Variants in RARB observed in about 807,000 individuals in gnomAD.
The protein encoded by RARB is retinoic acid receptor beta, also known as HBV-activated protein.
A neutral mutation model predicts 51.9 loss-of-function variants in RARB; 17 were observed. The observed-to-expected ratio is 0.33, with a 90% CI of 0.22 to 0.49. RARB has a LOEUF of 0.49. Ranked by LOEUF, RARB falls within the 20% of genes least tolerant of loss-of-function variation. The pLI, the probability that RARB is intolerant of heterozygous loss-of-function variation, is 0.99. For synonymous variants in RARB, 215 were observed against 195.4 expected (o/e 1.10, Z -0.84); for missense variants, 369 against 550.8 (o/e 0.67, Z 3.30).
At position 25,353,266 on chromosome 3, in the gene RARB, C is replaced by T. The variant is rs181042350; in HGVS notation, c.179-107927C>T. Among the ~76,000 whole-genome samples, 166 of 152,256 alleles carry T rather than the reference C, an allele frequency of 1.1e-3. 1 individual carries two copies. Among genetic ancestry groups the T allele is most frequent in the Non-Finnish European group, 2.0e-3 (139 of 67,998 alleles). Reference sequence around the variant, plus strand: ...AACCCAGCTCTGAATTCTCACAGTACTGTAGTGGCACTCGTGGACAGAACC... The same window carrying T: ...AACCCAGCTCTGAATTCTCACAGTATTGTAGTGGCACTCGTGGACAGAACC... On this transcript the variant is annotated intron_variant, in intron 5 of 11. Transcript: ENST00000383772.
intron 2 of RARB, among the ~76,000 whole-genome samples, chr3:24,871,840 C>T (rs1182951711): frequency 2.6e-5 from 4 of 152,148 alleles, no homozygotes; most frequent in African/African-American, 9.7e-5. Flanking sequence ...TTATTCTATA[C>T]TCCTTTTTCT....
intron 1 of RARB, among the ~76,000 whole-genome samples, chr3:24,850,035 T>C (rs538979306): frequency 1.3e-5 from 2 of 152,262 alleles, no homozygotes; most frequent in East Asian, 3.9e-4. Flanking sequence ...ACCAAGATGA[T>C]TGCATTTGCT....
chr3:25,510,861 A>G (rs1288666081), intron 3 of RARB, among the ~76,000 whole-genome samples: 1 of 152,194 alleles, frequency 6.6e-6, no homozygotes, highest in East Asian at 1.9e-4. Flanking sequence ...CTTAATTAAT[A>G]TTTCTTGAAT....
At chr3:25,153,256 C>T (rs1700321360) in intron 4 of RARB, among the ~76,000 whole-genome samples, 1 of 152,032 alleles carries the variant, frequency 6.6e-6, no homozygotes, top group Non-Finnish European at 1.5e-5. Flanking sequence ...CAGAGAGAGG[C>T]ACAAAGACAC....
At chr3:24,848,092 T>G (rs1702508382) in intron 1 of RARB, among the ~76,000 whole-genome samples, 1 of 152,196 alleles carries the variant, frequency 6.6e-6, no homozygotes, top group Non-Finnish European at 1.5e-5. Context: ...GACGGTCTTG[T>G]TCTGTGGCCC....
intron 1 of RARB, 78 bp downstream of exon 1, chr3:25,428,966 A>G: frequency 6.9e-7 from 1 of 1,452,668 alleles, no homozygotes; most frequent in Non-Finnish European, 9.3e-7. Context: ...CGTTGGAAAT[A>G]AACTGCATTG....
At chr3:25,226,609 G>C (rs1437029159) in intron 5 of RARB, among the ~76,000 whole-genome samples, 4 of 152,120 alleles carry the variant, frequency 2.6e-5, no homozygotes, top group East Asian at 1.9e-4. Flanking sequence ...TCTGCTGAGG[G>C]ACATGAATTT....
At chr3:25,244,025 T>A (rs1337654036) in intron 5 of RARB, among the ~76,000 whole-genome samples, 3 of 152,182 alleles carry the variant, frequency 2.0e-5, no homozygotes, top group African/African-American at 7.2e-5. Flanking sequence ...GACTTCTTCC[T>A]GGTTTAGTCT....
intron 5 of RARB, among the ~76,000 whole-genome samples, chr3:25,225,680 A>G (rs1702041224): frequency 6.6e-6 from 1 of 152,216 alleles, no homozygotes; most frequent in South Asian, 2.1e-4. Context: ...TACATGCAAT[A>G]TGACAACTGG....
chr3:25,292,779 A>T (rs1052372101), intron 5 of RARB, among the ~76,000 whole-genome samples: 1 of 152,260 alleles, frequency 6.6e-6, no homozygotes, highest in East Asian at 1.9e-4. Context: ...CAAAATGGGC[A>T]TGTTTAAACG....
At chr3:25,131,602 A>T (rs748231399) in intron 3 of RARB, among the ~76,000 whole-genome samples, 1 of 152,020 alleles carries the variant, frequency 6.6e-6, no homozygotes, top group African/African-American at 2.4e-5. Flanking sequence ...AAAAACATAT[A>T]TACATATATT....
chr3:25,492,518 C>T (rs1048643718), intron 2 of RARB, among the ~76,000 whole-genome samples: 1 of 152,108 alleles, frequency 6.6e-6, no homozygotes, highest in African/African-American at 2.4e-5. Flanking sequence ...GAACATGGGC[C>T]ACCTTTTTGT....
At chr3:25,062,772 A>C (rs1421096945) in intron 3 of RARB, among the ~76,000 whole-genome samples, 3 of 151,932 alleles carry the variant, frequency 2.0e-5, no homozygotes, top group African/African-American at 7.2e-5. Context: ...AGTAGAGGTG[A>C]GATGGGGAGT....
rs138693408 is a variant in RARB, at chr3:24,982,300, T to C, written c.-379-77825T>C. Reference sequence around the variant, plus strand: ...GCTACCTTGGCTTTCTCATGGTTGCTCCTTCCAGCCTAATCTTTATCCAAA... The same window carrying C: ...GCTACCTTGGCTTTCTCATGGTTGCCCCTTCCAGCCTAATCTTTATCCAAA... On this transcript the variant is annotated intron_variant, in intron 2 of 11. Coordinates refer to the RARB transcript ENST00000383772. Among the ~76,000 whole-genome samples, 310 of 152,338 alleles carry C rather than the reference T, an allele frequency of 2.0e-3. 6 individuals are homozygous for C. The highest frequency in any genetic ancestry group is 1.5e-3 in the East Asian group (8 of 5,182).
chr3:25,081,621 AT>A (rs1168828068), intron 3 of RARB, among the ~76,000 whole-genome samples: 7 of 5,790 alleles, frequency 1.2e-3, no homozygotes, highest in African/African-American at 1.8e-3. Context: ...ATATATATAT[AT>A]TTTTTTTTTT....
At chr3:25,278,417 C>G (rs868450722) in intron 5 of RARB, among the ~76,000 whole-genome samples, 162 of 152,310 alleles carry the variant, frequency 1.1e-3, no homozygotes, top group Non-Finnish European at 1.0e-3. Context: ...TAAATATTCT[C>G]TAGCCACTTT....
At chr3:25,409,628 G>A (rs758938075) in intron 5 of RARB, among the ~76,000 whole-genome samples, 2 of 152,058 alleles carry the variant, frequency 1.3e-5, no homozygotes, top group Non-Finnish European at 2.9e-5. Context: ...AAATTTAAAA[G>A]CACCAAAGAG....
At chr3:25,333,748 G>A (rs985164189) in intron 5 of RARB, among the ~76,000 whole-genome samples, 6 of 152,128 alleles carry the variant, frequency 3.9e-5, no homozygotes, top group Non-Finnish European at 4.4e-5. Flanking sequence ...GCAACCTACA[G>A]AATGGGAGTA....
intron 5 of RARB, among the ~76,000 whole-genome samples, chr3:25,236,809 G>A (rs545809519): frequency 6.6e-6 from 1 of 151,952 alleles, no homozygotes; most frequent in East Asian, 1.9e-4. Flanking sequence ...TTTATTAAGA[G>A]TGCTAGGAAC....
Sources: gnomAD v4.1 joint callset for allele counts (sites outside exome capture counted in the v4.1 genomes callset) on GRCh38, gnomAD v4.1.1 for gene constraint, MANE v1.5 for transcripts, NCBI Gene and HGNC (gene_info 2026-07-23, HGNC 2026-07-21) for gene names.